The following CRISP2 variants were observed in gnomAD, a reference collection of about 807,000 sequenced individuals.
CRISP2 encodes cysteine-rich secretory protein 2.
Under a neutral mutation model 31.7 loss-of-function variants are expected in CRISP2, and 29 were observed. That is an observed-to-expected ratio of 0.92 (90% confidence interval 0.68 to 1.25). The LOEUF (loss-of-function observed/expected upper bound fraction) is 1.25, where lower values mean the gene tolerates loss of function less well. Among genes scored for constraint, CRISP2 ranks in the 50% most tolerant of loss-of-function variants. The pLI is 0.00. For missense variants in CRISP2, 318 were observed against 286.5 expected (o/e 1.11, Z -0.79); for synonymous variants, 111 against 101.4 (o/e 1.09, Z -0.57).
Position 49,706,900 on chromosome 6 carries a change from C to T in CRISP2, c.66+2231G>A, listed in dbSNP as rs550146498. 5.8e-4 allele frequency among the ~76,000 whole-genome samples: 88 copies of T among 152,216 alleles called. 1 individual carries two copies. The highest frequency in any genetic ancestry group is 7.9e-4 in the Admixed American group (12 of 15,286). On this transcript the variant is annotated intron_variant, in intron 4 of 9. Transcript: ENST00000339139. Reference sequence around the variant, plus strand: ...TGTACCAATAAATATGGCAAAGTTACTGACTCATAAGTTAGAAAGGATGTG... The same window carrying T: ...TGTACCAATAAATATGGCAAAGTTATTGACTCATAAGTTAGAAAGGATGTG...
chr6:49,689,694 C>T (rs887290480), downstream of CRISP2, among the ~76,000 whole-genome samples: 1 of 152,034 alleles, frequency 6.6e-6, no homozygotes, highest in Non-Finnish European at 1.5e-5. Flanking sequence ...ACAAAATGTA[C>T]ATTAAATATT....
chr6:49,682,587 TTTTCTTTC>T, the CRISP2 span, among the ~76,000 whole-genome samples: 4,216 of 82,698 alleles, frequency 0.051, 146 homozygotes, highest in Middle Eastern at 0.066. Context: ...CTTTCTTTCT[TTTTCTTTC>T]TTTCTTTCTT....
Position 49,699,864 on chromosome 6 carries a change from C to A in CRISP2, c.211G>T (p.Ala71Ser). The change falls in exon 6 of 10, where the codon GCC (alanine) becomes TCC (serine). Residue 71 changes from alanine (A) to serine (S), a missense_variant. Physicochemically the swap from Ala to Ser is moderately conservative, Grantham distance 99. Coordinates refer to ENST00000339139, the MANE Select transcript of CRISP2 (RefSeq NM_003296.4). ...GTGCACTTGTTTGCCCACCTTTGGG[C>A]ATTCGTTGTTACCTCTCTGCTCCAT... ...MEWSREVTTN[A>S]QRWANKCTLQ... The A allele has an allele frequency of 6.2e-7, 1 of 1,612,700 alleles. No individual in the cohort carries two copies. Among genetic ancestry groups the A allele is most frequent in the Non-Finnish European group, 8.5e-7 (1 of 1,179,180 alleles).
intron 9 of CRISP2, 152 bp downstream of exon 9, chr6:49,695,684 G>T: frequency 1.7e-6 from 1 of 597,646 alleles, no homozygotes; most frequent in Non-Finnish European, 3.0e-6. Context: ...TGTGTAAAAT[G>T]TTTGTTTAAG....
At chr6:49,680,987 CTTTAG>C in the CRISP2 span, among the ~76,000 whole-genome samples, 1 of 152,158 alleles carries the variant, frequency 6.6e-6, no homozygotes, top group African/African-American at 2.4e-5. Context: ...TACAGAAACT[CTTTAG>C]TTTAATCAGA....
intron 9 of CRISP2, among the ~76,000 whole-genome samples, chr6:49,694,408 TTGGTGCTATGG>T (rs1764389042): frequency 3.9e-5 from 6 of 152,298 alleles, no homozygotes; most frequent in Admixed American, 3.3e-4. Flanking sequence ...GGATTCCTTT[TTGGTGCTATGG>T]TGGGTCTAGA....
the CRISP2 span, among the ~76,000 whole-genome samples, chr6:49,683,678 AAAAAAAAAAAAAAAAAATAT>A: frequency 0.012 from 385 of 32,662 alleles, 3 homozygotes; most frequent in African/African-American, 0.03. Flanking sequence ...AAAAAAAAAA[AAAAAAAAAAAAAAAAAATAT>A]ATATATATAT....
chr6:49,681,336 C>G, the CRISP2 span, among the ~76,000 whole-genome samples: 1 of 152,056 alleles, frequency 6.6e-6, no homozygotes, highest in African/African-American at 2.4e-5. Context: ...GTTCTCTATT[C>G]TGTTCCACTG....
At chr6:49,700,554 C>G in intron 5 of CRISP2, 114 bp downstream of exon 5, 1 of 713,390 alleles carries the variant, frequency 1.4e-6, no homozygotes, top group East Asian at 2.6e-5. Context: ...AATAAAATAA[C>G]AAAACAGAGA....
At chr6:49,681,988 A>G in the CRISP2 span, among the ~76,000 whole-genome samples, 1 of 152,170 alleles carries the variant, frequency 6.6e-6, no homozygotes, top group East Asian at 1.9e-4. Context: ...ATGTCCTCAC[A>G]GGTTAGATCA....
intron 4 of CRISP2, among the ~76,000 whole-genome samples, chr6:49,702,050 A>G (rs2127413760): frequency 8.7e-6 from 1 of 114,726 alleles, no homozygotes; most frequent in Non-Finnish European, 1.7e-5. Context: ...ATAAGTTTAT[A>G]TTATATATGT....
chr6:49,694,064 G>A (rs749589457), intron 9 of CRISP2, among the ~76,000 whole-genome samples: 3 of 152,148 alleles, frequency 2.0e-5, no homozygotes, highest in Non-Finnish European at 1.5e-5. Context: ...GGGCTTGTTT[G>A]TACCTGTTTT....
chr6:49,698,204 T>G lies in CRISP2; in HGVS notation c.417+158A>C, dbSNP rs9381816. Among the ~76,000 whole-genome samples, 18 of 152,272 alleles carry G rather than the reference T, an allele frequency of 1.2e-4. 1 individual carries two copies. The East Asian group carries it at 3.5e-3, about 29-fold the overall frequency. On this transcript the variant is annotated intron_variant, in intron 7 of 9. Coordinates refer to ENST00000339139, the MANE Select transcript of CRISP2 (RefSeq NM_003296.4). ...TTCCTACTAAGAGTTTGGCTGACCA[T>G]GGACAAAAATGACAGCTCTACAACA...
chr6:49,686,429 C>G, the CRISP2 span, among the ~76,000 whole-genome samples: 12 of 152,126 alleles, frequency 7.9e-5, no homozygotes, highest in African/African-American at 2.9e-4. Flanking sequence ...AATGCACATG[C>G]AACTTTGTTA....
Position 49,699,904 on chromosome 6 carries a change from AG to A in CRISP2, c.184-14del. The A allele has an allele frequency of 6.2e-7, 1 of 1,610,236 alleles. No individual in the cohort carries two copies. The highest frequency in any genetic ancestry group is 8.5e-7 in the Non-Finnish European group (1 of 1,177,306). ...CTCTGCTCCATTCCTAAACGTCACA[AG>A]AAAACAAAATACACTTAATGATTCA... On this transcript the variant is annotated splice_polypyrimidine_tract_variant and intron_variant, in intron 5 of 9. Transcript: ENST00000339139.
intron 9 of CRISP2, among the ~76,000 whole-genome samples, chr6:49,695,321 G>A (rs1764561142): frequency 6.6e-6 from 1 of 151,918 alleles, no homozygotes; most frequent in Non-Finnish European, 1.5e-5. Flanking sequence ...GAAATTATAG[G>A]GCAAGTAATC....
chr6:49,709,006 G>T, intron 4 of CRISP2, 125 bp downstream of exon 4: 1 of 769,720 alleles, frequency 1.3e-6, no homozygotes, highest in Non-Finnish European at 2.2e-6. Flanking sequence ...TAAGTGCTCT[G>T]AGAACTCTGA....
intron 4 of CRISP2, among the ~76,000 whole-genome samples, chr6:49,702,009 ATTAATGTATACATTATAT>A (rs1766056509): frequency 1.3e-5 from 1 of 74,810 alleles, no homozygotes; most frequent in Non-Finnish European, 2.4e-5. Context: ...TATTATACAT[ATTAATGTATACATTATAT>A]ATGTATACAT....
chr6:49,698,445 G>A lies in CRISP2; in HGVS notation c.334C>T (p.Gln112Ter). 6.2e-7 allele frequency: 1 copy of A among 1,613,290 alleles called. No homozygotes were observed. The highest frequency in any genetic ancestry group is 8.5e-7 in the Non-Finnish European group (1 of 1,179,584). ...TCTAGGATCTCGTCATACCAGCTTT[G>A]GATTGCAGAAGACCAGGAAGTAGGG... ...SDPTSWSSAI[Q>*]SWYDEILDFV... Residue 112 changes from glutamine to a stop codon, truncating the protein, a stop_gained, in exon 7 of 10, where the codon CAA becomes TAA. Coordinates refer to ENST00000339139, the MANE Select transcript of CRISP2 (RefSeq NM_003296.4). LOFTEE classifies it high-confidence loss of function.
Sources: allele counts gnomAD v4.1 joint callset (sites outside exome capture counted in the v4.1 genomes callset), GRCh38; gene constraint gnomAD v4.1.1; transcripts MANE v1.5; gene names NCBI Gene and HGNC (gene_info 2026-07-23, HGNC 2026-07-21).